The following SORCS3 variants were observed in gnomAD, a reference collection of about 807,000 sequenced individuals.
The protein encoded by SORCS3 is sortilin related VPS10 domain containing receptor 3.
A neutral mutation model predicts 146.3 loss-of-function variants in SORCS3; 57 were observed. The observed-to-expected ratio is 0.39, with a 90% CI of 0.31 to 0.49. SORCS3 has a LOEUF of 0.49. Among genes scored for constraint, SORCS3 ranks in the 20% least tolerant of loss-of-function variants. The pLI, the probability that SORCS3 is intolerant of heterozygous loss-of-function variation, is 0.92. For synonymous variants in SORCS3, 653 were observed against 618.5 expected, an observed-to-expected ratio of 1.06 and a Z score of -0.83; for missense variants, 1,341 against 1,575.5, an observed-to-expected ratio of 0.85 and a Z score of 2.52.
intron 6 of SORCS3, among the ~76,000 whole-genome samples, chr10:105,099,856 A>C (rs1322484317): frequency 1.3e-5 from 2 of 152,162 alleles, no homozygotes; most frequent in Admixed American, 6.5e-5. Flanking sequence ...TCATTTGTGA[A>C]CATCCTGTCT....
chr10:104,647,608 T>G (rs2015510146), intron 1 of SORCS3, among the ~76,000 whole-genome samples: 1 of 152,180 alleles, frequency 6.6e-6, no homozygotes, highest in African/African-American at 2.4e-5. Context: ...CCTGGCAGCA[T>G]GTGCCGTAGG....
chr10:104,998,093 G>T (rs1411018758), intron 4 of SORCS3, among the ~76,000 whole-genome samples: 1 of 152,102 alleles, frequency 6.6e-6, no homozygotes, highest in Non-Finnish European at 1.5e-5. Flanking sequence ...TGACAGGTCA[G>T]TTATGGAAAA....
At chr10:104,937,320 C>T (rs190615455) in intron 3 of SORCS3, among the ~76,000 whole-genome samples, 46 of 152,308 alleles carry the variant, frequency 3.0e-4, no homozygotes, top group African/African-American at 1.0e-3. Flanking sequence ...GAGTTTGCCA[C>T]GTGGATCAAT....
At chr10:105,084,594 A>T (rs570999894) in intron 5 of SORCS3, among the ~76,000 whole-genome samples, 3 of 152,220 alleles carry the variant, frequency 2.0e-5, no homozygotes, top group Non-Finnish European at 4.4e-5. Flanking sequence ...AATAACAATA[A>T]GTTCATGGGC....
At chr10:104,777,019 T>C (rs972955709) in intron 1 of SORCS3, among the ~76,000 whole-genome samples, 3 of 133,328 alleles carry the variant, frequency 2.3e-5, no homozygotes, top group Non-Finnish European at 4.8e-5. Context: ...TGGTGGGGGG[T>C]GGAGGCTTTG....
intron 1 of SORCS3, among the ~76,000 whole-genome samples, chr10:104,739,956 G>A (rs1040895581): frequency 1.3e-5 from 2 of 152,282 alleles, no homozygotes; most frequent in Non-Finnish European, 1.5e-5. Context: ...TGTGTAGTAA[G>A]TATGCAAGGA....
At chr10:105,009,519 CAAACAAACAAAAAAA>C (rs1299488352) in intron 4 of SORCS3, among the ~76,000 whole-genome samples, 5 of 33,040 alleles carry the variant, frequency 1.5e-4, no homozygotes, top group African/African-American at 5.2e-4. Context: ...AACAAACAAA[CAAACAAACAAAAAAA>C]AAAAAAAAAA....
At chr10:105,144,927 C>T (rs2056120746) in intron 8 of SORCS3, among the ~76,000 whole-genome samples, 1 of 152,046 alleles carries the variant, frequency 6.6e-6, no homozygotes, top group African/African-American at 2.4e-5. Context: ...ACCATAAAGA[C>T]CTATTTAGAC....
At chr10:104,905,033 T>C (rs1251213327) in intron 2 of SORCS3, among the ~76,000 whole-genome samples, 1 of 152,168 alleles carries the variant, frequency 6.6e-6, no homozygotes, top group Non-Finnish European at 1.5e-5. Context: ...AGCTAATTGC[T>C]TTTTCCTGCT....
chr10:105,152,668 G>A (rs2056175700), intron 9 of SORCS3, among the ~76,000 whole-genome samples: 1 of 152,138 alleles, frequency 6.6e-6, no homozygotes, highest in African/African-American at 2.4e-5. Context: ...GGGTTAAAAT[G>A]AAATAAAATT....
At chr10:104,858,473 T>A (rs2018359252) in intron 2 of SORCS3, among the ~76,000 whole-genome samples, 1 of 152,232 alleles carries the variant, frequency 6.6e-6, no homozygotes, top group Non-Finnish European at 1.5e-5. Flanking sequence ...TTTTACAGTT[T>A]TTCATTCCTT....
chr10:105,166,246 C>T (rs916296944), intron 12 of SORCS3, among the ~76,000 whole-genome samples: 6 of 152,094 alleles, frequency 3.9e-5, no homozygotes, highest in Non-Finnish European at 8.8e-5. Flanking sequence ...ACACATTCAC[C>T]CCTTAAATCT....
At chr10:105,022,904 G>C (rs1398305507) in intron 4 of SORCS3, among the ~76,000 whole-genome samples, 3 of 152,154 alleles carry the variant, frequency 2.0e-5, no homozygotes, top group Non-Finnish European at 4.4e-5. Flanking sequence ...GATGATCACT[G>C]AGGCTGTGAT....
intron 5 of SORCS3, among the ~76,000 whole-genome samples, chr10:105,079,774 C>G (rs1356835103): frequency 2.0e-5 from 3 of 152,050 alleles, no homozygotes; most frequent in African/African-American, 7.2e-5. Flanking sequence ...CTCTTTGTGT[C>G]ATTTAGCTCC....
At chr10:105,083,035 G>A (rs933974569) in intron 5 of SORCS3, among the ~76,000 whole-genome samples, 11 of 151,990 alleles carry the variant, frequency 7.2e-5, no homozygotes, top group East Asian at 5.8e-4. Context: ...CACCACGCCC[G>A]GCCTATGAAC....
At chr10:104,753,377 A>G (rs1214777825) in intron 1 of SORCS3, among the ~76,000 whole-genome samples, 2 of 152,234 alleles carry the variant, frequency 1.3e-5, no homozygotes, top group Non-Finnish European at 2.9e-5. Context: ...AGTGATCTAC[A>G]TTCATGTAGA....
intron 4 of SORCS3, among the ~76,000 whole-genome samples, chr10:105,035,074 T>C (rs77211212): frequency 0.013 from 1,943 of 152,238 alleles, 25 homozygotes; most frequent in African/African-American, 0.034. Context: ...TCAGCAATCT[T>C]GTTGTCACTG....
At chr10:104,814,731 A>G (rs78226740) in intron 1 of SORCS3, among the ~76,000 whole-genome samples, 2,173 of 152,292 alleles carry the variant, frequency 0.014, 33 homozygotes, top group African/African-American at 0.037. Context: ...CAAATTTATC[A>G]TTTGCATCAT....
intron 3 of SORCS3, among the ~76,000 whole-genome samples, chr10:104,940,238 ATTTTTTTTTTT>A (rs1186082602): frequency 7.0e-4 from 22 of 31,522 alleles, no homozygotes; most frequent in African/African-American, 2.4e-3. Context: ...ATATATATAT[ATTTTTTTTTTT>A]TTTTTTATTA....
Sources: gnomAD v4.1 joint callset for allele counts (sites outside exome capture counted in the v4.1 genomes callset) on GRCh38, gnomAD v4.1.1 for gene constraint, MANE v1.5 for transcripts, NCBI Gene and HGNC (gene_info 2026-07-23, HGNC 2026-07-21) for gene names.